Variants in CCSER1 observed in about 807,000 individuals in gnomAD.
CCSER1 encodes serine-rich coiled-coil domain-containing protein 1.
Under a neutral mutation model 82.0 loss-of-function variants are expected in CCSER1, and 41 were observed. The observed-to-expected ratio is 0.50, with a 90% CI of 0.39 to 0.65. The LOEUF is 0.65. Ranked by LOEUF, CCSER1 falls within the 30% of genes least tolerant of loss-of-function variation. The pLI, the probability that CCSER1 is intolerant of heterozygous loss-of-function variation, is 0.00. For synonymous variants in CCSER1, 414 were observed against 383.9 expected, an observed-to-expected ratio of 1.08 and a Z score of -0.92; for missense variants, 1,119 against 1,064.2, an observed-to-expected ratio of 1.05 and a Z score of -0.72.
intron 9 of CCSER1, among the ~76,000 whole-genome samples, chr4:91,025,642 G>C (rs1274025859): frequency 5.3e-5 from 8 of 152,094 alleles, no homozygotes; most frequent in Admixed American, 5.2e-4. Context: ...GTAAGAACTA[G>C]AACACTGTGC....
intron 9 of CCSER1, among the ~76,000 whole-genome samples, chr4:91,071,673 T>A (rs910557243): frequency 6.6e-6 from 1 of 152,178 alleles, no homozygotes; most frequent in Non-Finnish European, 1.5e-5. Context: ...TGATCTACGG[T>A]ACAAATATGA....
intron 3 of CCSER1, among the ~76,000 whole-genome samples, chr4:90,357,266 A>G (rs114556027): frequency 0.011 from 1,712 of 152,086 alleles, 31 homozygotes; most frequent in African/African-American, 0.04. Context: ...CACTTATCAA[A>G]GGAACTTGCA....
At chr4:91,066,354 G>A (rs765874079) in intron 9 of CCSER1, among the ~76,000 whole-genome samples, 3 of 152,224 alleles carry the variant, frequency 2.0e-5, no homozygotes, top group Non-Finnish European at 4.4e-5. Context: ...GTTAGCGACA[G>A]AGGAGAAATG....
intron 4 of CCSER1, among the ~76,000 whole-genome samples, chr4:90,465,316 T>A (rs1763480367): frequency 2.0e-5 from 3 of 146,994 alleles, no homozygotes; most frequent in Admixed American, 6.7e-5. Context: ...GCACTTTCCG[T>A]GTTCTTTTTT....
At chr4:90,482,456 G>T (rs578119394) in intron 5 of CCSER1, among the ~76,000 whole-genome samples, 4 of 152,114 alleles carry the variant, frequency 2.6e-5, no homozygotes, top group Non-Finnish European at 4.4e-5. Flanking sequence ...TGTTTTAATT[G>T]TGATGTTAGG....
intron 1 of CCSER1, among the ~76,000 whole-genome samples, chr4:90,220,382 T>C (rs1293339218): frequency 2.0e-5 from 3 of 152,068 alleles, no homozygotes; most frequent in Non-Finnish European, 4.4e-5. Context: ...TGGGGCTTAT[T>C]CTTCTATGAT....
At chr4:91,176,066 T>C (rs1733309095) in intron 10 of CCSER1, among the ~76,000 whole-genome samples, 1 of 152,218 alleles carries the variant, frequency 6.6e-6, no homozygotes, top group Admixed American at 6.5e-5. Context: ...CCCAGCACCA[T>C]TTGTTTAGAT....
At chr4:90,699,485 C>T (rs1334925882) in intron 6 of CCSER1, among the ~76,000 whole-genome samples, 1 of 152,058 alleles carries the variant, frequency 6.6e-6, no homozygotes, top group African/African-American at 2.4e-5. Flanking sequence ...TTAGACTTCC[C>T]CCAAACAGAA....
chr4:91,401,291 A>G lies in CCSER1; in HGVS notation c.2218-197281A>G, dbSNP rs571687476. 8.8e-4 allele frequency among the ~76,000 whole-genome samples: 131 copies of G among 148,684 alleles called. 5 individuals carry two copies. The South Asian group carries it at 0.027, about 31-fold the overall frequency. ...ATATACTATGCTACATAGATATACT[A>G]TATAGTATATACTATACAATATAGA... On this transcript the variant is annotated intron_variant, in intron 10 of 10. Transcript: ENST00000509176.
chr4:90,610,676 A>G (rs1785346039), intron 5 of CCSER1, among the ~76,000 whole-genome samples: 2 of 152,148 alleles, frequency 1.3e-5, no homozygotes, highest in Non-Finnish European at 2.9e-5. Context: ...ACAACAATAA[A>G]CTTCATGTTA....
intron 8 of CCSER1, among the ~76,000 whole-genome samples, chr4:90,880,702 A>G (rs150167973): frequency 0.013 from 1,995 of 152,264 alleles, 21 homozygotes; most frequent in Middle Eastern, 0.061. Context: ...GTGGGCACCA[A>G]TGTACATCTG....
intron 10 of CCSER1, among the ~76,000 whole-genome samples, chr4:91,174,631 A>G (rs1014113581): frequency 1.3e-5 from 2 of 152,114 alleles, no homozygotes; most frequent in Non-Finnish European, 2.9e-5. Flanking sequence ...TAAAATTTGC[A>G]TAATTTGTAC....
intron 5 of CCSER1, among the ~76,000 whole-genome samples, chr4:90,515,932 T>C (rs1367653501): frequency 6.6e-6 from 1 of 152,212 alleles, no homozygotes; most frequent in Non-Finnish European, 1.5e-5. Flanking sequence ...TCTTTTCTCT[T>C]AATAAATATT....
intron 9 of CCSER1, among the ~76,000 whole-genome samples, chr4:90,940,007 G>A (rs2150324258): frequency 6.6e-6 from 1 of 151,900 alleles, no homozygotes; most frequent in East Asian, 1.9e-4. Context: ...TTAAATTAAA[G>A]CACTCCCCTG....
intron 10 of CCSER1, among the ~76,000 whole-genome samples, chr4:91,400,698 A>C (rs1250007687): frequency 6.6e-6 from 1 of 151,508 alleles, no homozygotes; most frequent in Non-Finnish European, 1.5e-5. Context: ...CATTTGTATA[A>C]TTATCATCTG....
intron 5 of CCSER1, among the ~76,000 whole-genome samples, chr4:90,572,642 CATTTATTGTA>C (rs1378062028): frequency 2.7e-5 from 4 of 150,650 alleles, no homozygotes; most frequent in African/African-American, 9.8e-5. Flanking sequence ...GCATTTTTTT[CATTTATTGTA>C]GTTTTCTTCT....
Position 91,424,720 on chromosome 4 carries a change from A to G in CCSER1, c.2218-173852A>G, listed in dbSNP as rs534849159. ...TTTAGTATAATAATGTTTTATTTTTAGGAGCCGATATTATAAAATGCAAGG... is the reference window on the plus strand; with the variant it reads ...TTTAGTATAATAATGTTTTATTTTTGGGAGCCGATATTATAAAATGCAAGG... On this transcript the variant is annotated intron_variant, in intron 10 of 10. Coordinates refer to ENST00000509176, the MANE Select transcript of CCSER1 (RefSeq NM_001145065.2). 2.2e-4 allele frequency among the ~76,000 whole-genome samples: 33 copies of G among 152,288 alleles called. No individual in the cohort carries two copies. In the South Asian group the frequency reaches 3.1e-3, roughly 14 times the overall value.
At chr4:90,944,588 G>C (rs948087624) in intron 9 of CCSER1, among the ~76,000 whole-genome samples, 4 of 152,154 alleles carry the variant, frequency 2.6e-5, no homozygotes, top group Admixed American at 2.6e-4. Flanking sequence ...ACAGCAGAGA[G>C]AGTGTTTCAT....
chr4:90,807,793 C>A (rs1163408650), intron 7 of CCSER1, among the ~76,000 whole-genome samples: 5 of 151,848 alleles, frequency 3.3e-5, no homozygotes, highest in South Asian at 2.1e-4. Flanking sequence ...CTGTTAGAAT[C>A]AAAATTGTGA....
Sources: allele counts gnomAD v4.1 joint callset (sites outside exome capture counted in the v4.1 genomes callset), GRCh38; gene constraint gnomAD v4.1.1; transcripts MANE v1.5; gene names NCBI Gene and HGNC (gene_info 2026-07-23, HGNC 2026-07-21).